The following HMGCLL1 variants were observed in gnomAD, a reference collection of about 807,000 sequenced individuals.
HMGCLL1 encodes 3-hydroxymethyl-3-methylglutaryl-CoA lyase, cytoplasmic.
In HMGCLL1, 36 loss-of-function variants were observed where a neutral mutation model predicts 39.1. The ratio of observed to expected loss-of-function variants is 0.92; its 90% CI spans 0.71 to 1.22. HMGCLL1 has a LOEUF of 1.22. Among genes scored for constraint, HMGCLL1 ranks in the 50% most tolerant of loss-of-function variants. The probability of loss-of-function intolerance (pLI) is 0.00; values close to 1 mark genes in which losing one functional copy is unlikely to be tolerated. For synonymous variants in HMGCLL1, 149 were observed against 144.0 expected, an observed-to-expected ratio of 1.03 and a Z score of -0.25; for missense variants, 451 against 416.5, an observed-to-expected ratio of 1.08 and a Z score of -0.72.
At chr6:55,479,078 T>G (rs903343109) in intron 7 of HMGCLL1, among the ~76,000 whole-genome samples, 3 of 151,520 alleles carry the variant, frequency 2.0e-5, no homozygotes. Context: ...AAGTTTAAGC[T>G]GAAAGAAATC....
At chr6:55,646,399 T>C in the HMGCLL1 span, among the ~76,000 whole-genome samples, 4 of 151,820 alleles carry the variant, frequency 2.6e-5, no homozygotes, top group Non-Finnish European at 5.9e-5. Context: ...TTATTTATTG[T>C]CTGATCTTTA....
At chr6:55,439,054 C>T (rs1245182854) in intron 8 of HMGCLL1, among the ~76,000 whole-genome samples, 1 of 152,008 alleles carries the variant, frequency 6.6e-6, no homozygotes, top group African/African-American at 2.4e-5. Flanking sequence ...CTGAGACAAT[C>T]AAGATCTCCA....
chr6:55,673,854 A>G, the HMGCLL1 span, among the ~76,000 whole-genome samples: 1 of 151,906 alleles, frequency 6.6e-6, no homozygotes, highest in East Asian at 1.9e-4. Context: ...CCCTAATGTT[A>G]TGGTCAGTTT....
the HMGCLL1 span, among the ~76,000 whole-genome samples, chr6:55,648,388 A>G: frequency 5.4e-5 from 7 of 129,656 alleles, no homozygotes; most frequent in African/African-American, 1.2e-4. Context: ...AAGGAAATAG[A>G]GACACAAAAA....
At chr6:55,553,816 G>A (rs1770499630) in intron 1 of HMGCLL1, among the ~76,000 whole-genome samples, 1 of 152,080 alleles carries the variant, frequency 6.6e-6, no homozygotes, top group Non-Finnish European at 1.5e-5. Context: ...TGCAATGAAA[G>A]GAATCATTGT....
chr6:55,489,975 G>T (rs1037937499), intron 7 of HMGCLL1, among the ~76,000 whole-genome samples: 1 of 152,054 alleles, frequency 6.6e-6, no homozygotes, highest in Non-Finnish European at 1.5e-5. Flanking sequence ...TGAAGTACCC[G>T]TTAGGAGGAC....
chr6:55,627,961 A>AGTATATATATAATATATACT, the HMGCLL1 span, among the ~76,000 whole-genome samples: 1 of 848 alleles, frequency 1.2e-3, no homozygotes, highest in African/African-American at 4.3e-3. Context: ...CTATATATAT[A>AGTATATATATAATATATACT]ATATATATAT....
chr6:55,592,901 G>A, the HMGCLL1 span, among the ~76,000 whole-genome samples: 1 of 151,992 alleles, frequency 6.6e-6, no homozygotes, highest in African/African-American at 2.4e-5. Context: ...CCAAGAAGTC[G>A]GACATCAGAG....
At chr6:55,666,891 TACA>T in the HMGCLL1 span, among the ~76,000 whole-genome samples, 1 of 151,674 alleles carries the variant, frequency 6.6e-6, no homozygotes, top group African/African-American at 2.4e-5. Flanking sequence ...GAGTCTCTTT[TACA>T]ACATTATACA....
At chr6:55,583,143 C>T (rs575065901), upstream of HMGCLL1, among the ~76,000 whole-genome samples, 19 of 152,094 alleles carry the variant, frequency 1.2e-4, no homozygotes, top group African/African-American at 4.6e-4. Context: ...AATTTGCATG[C>T]TTGGTAATTT....
At chr6:55,595,497 T>C in the HMGCLL1 span, among the ~76,000 whole-genome samples, 2 of 152,192 alleles carry the variant, frequency 1.3e-5, no homozygotes, top group Non-Finnish European at 2.9e-5. Flanking sequence ...ACTTTGTTCT[T>C]CACAGGATTT....
chr6:55,446,146 G>A (rs540733808), intron 7 of HMGCLL1, among the ~76,000 whole-genome samples: 1 of 151,638 alleles, frequency 6.6e-6, no homozygotes, highest in African/African-American at 2.4e-5. Context: ...TATTTTGGCT[G>A]TTATTGAGAA....
the HMGCLL1 span, among the ~76,000 whole-genome samples, chr6:55,646,793 A>G: frequency 2.0e-5 from 3 of 152,004 alleles, no homozygotes; most frequent in Admixed American, 2.0e-4. Context: ...ATCTTTTAAG[A>G]CTTGTTTTGT....
chr6:55,670,305 C>A, the HMGCLL1 span, among the ~76,000 whole-genome samples: 1 of 151,598 alleles, frequency 6.6e-6, no homozygotes, highest in Non-Finnish European at 1.5e-5. Flanking sequence ...TGAAGGAAAA[C>A]TAAGATAATT....
At chr6:55,487,903 T>G (rs1187977838) in intron 7 of HMGCLL1, among the ~76,000 whole-genome samples, 1 of 152,076 alleles carries the variant, frequency 6.6e-6, no homozygotes, top group Non-Finnish European at 1.5e-5. Flanking sequence ...TCTGGGTTAT[T>G]ATGACACTTT....
At chr6:55,525,827 C>G (rs12209478) in intron 3 of HMGCLL1, among the ~76,000 whole-genome samples, 103,357 of 151,840 alleles carry the variant, frequency 0.68, 35,232 homozygotes, top group Admixed American at 0.72. Context: ...CTCCTCCCTG[C>G]GGTGAGGAGT....
At chr6:55,478,124 A>G (rs2127410855) in intron 7 of HMGCLL1, among the ~76,000 whole-genome samples, 1 of 144,706 alleles carries the variant, frequency 6.9e-6, no homozygotes, top group South Asian at 2.2e-4. Flanking sequence ...ATATAATTTT[A>G]TGAATTTTAT....
At chr6:55,514,967 G>T (rs188763912) in intron 4 of HMGCLL1, among the ~76,000 whole-genome samples, 21 of 152,092 alleles carry the variant, frequency 1.4e-4, no homozygotes, top group East Asian at 3.9e-4. Context: ...TAACACATGG[G>T]GGGGAGGTCA....
chr6:55,576,790 T>A (rs1771779885), intron 1 of HMGCLL1, among the ~76,000 whole-genome samples: 2 of 152,156 alleles, frequency 1.3e-5, no homozygotes, highest in Non-Finnish European at 2.9e-5. Context: ...ACTGAATAAA[T>A]TATACTGGCA....
Sources: allele counts gnomAD v4.1 joint callset (sites outside exome capture counted in the v4.1 genomes callset), GRCh38; gene constraint gnomAD v4.1.1; transcripts MANE v1.5; gene names NCBI Gene and HGNC (gene_info 2026-07-23, HGNC 2026-07-21).